The following UBR2 variants were observed in gnomAD, a reference collection of about 807,000 sequenced individuals.
The protein encoded by UBR2 is E3 ubiquitin-protein ligase UBR2.
In UBR2, 92 loss-of-function variants were observed where a neutral mutation model predicts 247.9. The ratio of observed to expected loss-of-function variants is 0.37; its 90% CI spans 0.31 to 0.44. The LOEUF is 0.44. UBR2 is among the 20% of genes least tolerant of loss of function. UBR2 has a pLI of 1.00. For missense variants in UBR2, 1,613 were observed against 2,112.6 expected (o/e 0.76, Z 4.64); for synonymous variants, 672 against 693.5 (o/e 0.97, Z 0.49).
At chr6:42,608,277 G>A (rs2151931697) in intron 7 of UBR2, among the ~76,000 whole-genome samples, 1 of 152,236 alleles carries the variant, frequency 6.6e-6, no homozygotes. Flanking sequence ...AAGAGGGCCT[G>A]TTTCTCCACA....
intron 11 of UBR2, among the ~76,000 whole-genome samples, chr6:42,628,970 A>C (rs1484611361): frequency 1.3e-5 from 2 of 152,080 alleles, no homozygotes; most frequent in Admixed American, 1.3e-4. Context: ...ATTGAATATG[A>C]ATCATATAAA....
At chr6:42,671,460 C>G (rs1425495829) in intron 36 of UBR2, among the ~76,000 whole-genome samples, 1 of 152,012 alleles carries the variant, frequency 6.6e-6, no homozygotes, top group Non-Finnish European at 1.5e-5. Context: ...TATTCTAGCT[C>G]CACTTTCTTG....
chr6:42,632,354 GT>G (rs1295764663), intron 11 of UBR2, among the ~76,000 whole-genome samples, 197 bp from the exon 12 acceptor site: 1 of 151,950 alleles, frequency 6.6e-6, no homozygotes, highest in Non-Finnish European at 1.5e-5. Flanking sequence ...CTGGCATCTG[GT>G]ATAATTGTTG....
chr6:42,574,495 A>G (rs917230162), intron 2 of UBR2, among the ~76,000 whole-genome samples: 7 of 152,140 alleles, frequency 4.6e-5, no homozygotes, highest in African/African-American at 1.7e-4. Flanking sequence ...TCATTTGGGA[A>G]TGGTAGTTAG....
At chr6:42,646,933 T>C (rs1196645339) in intron 21 of UBR2, among the ~76,000 whole-genome samples, 1 of 151,840 alleles carries the variant, frequency 6.6e-6, no homozygotes, top group Non-Finnish European at 1.5e-5. Context: ...GCAATTCTCA[T>C]GCCTCAGCCT....
chr6:42,655,581 T>C (rs1797397951), intron 25 of UBR2, 40 bp from the exon 26 acceptor site: 2 of 1,257,018 alleles, frequency 1.6e-6, no homozygotes, highest in African/African-American at 3.2e-5. Flanking sequence ...GTACTTGATT[T>C]TTTAAATTTT....
chr6:42,581,202 T>TC (rs1403185309), intron 2 of UBR2, among the ~76,000 whole-genome samples: 1 of 151,098 alleles, frequency 6.6e-6, no homozygotes, highest in African/African-American at 2.4e-5. Flanking sequence ...TTTTTTTTTT[T>TC]TCTCCGAGAC....
In UBR2 at chr6:42,676,007, G is replaced by C. The variant is rs749483703; in HGVS notation, c.4252-49G>C. On this transcript the variant is annotated intron_variant, in intron 38 of 46. Coordinates refer to ENST00000372901, the MANE Select transcript of UBR2 (RefSeq NM_001363705.2). ...AAGTAAGAAGATGGAAATTTGCTTA[G>C]CTGTGAAAGGAAAGGCGATCTGTCT... The C allele has an allele frequency of 9.8e-6, 15 of 1,524,832 alleles. No individual in the cohort carries two copies. In the South Asian group the frequency reaches 1.8e-4, roughly 18 times the overall value. The allele number at this position is 1,524,832 out of a possible 1,614,324, so 94.5% of individuals were successfully genotyped here. A position where few individuals can be genotyped will look rare whatever the true frequency, so the allele number is the denominator to read the frequency against.
At chr6:42,568,276 A>G (rs1246477705) in intron 1 of UBR2, among the ~76,000 whole-genome samples, 1 of 152,094 alleles carries the variant, frequency 6.6e-6, no homozygotes, top group Non-Finnish European at 1.5e-5. Context: ...TCCTGTACCT[A>G]TTGGCAGTCA....
intron 7 of UBR2, among the ~76,000 whole-genome samples, chr6:42,609,687 C>T (rs1322330041): frequency 6.6e-6 from 1 of 151,740 alleles, no homozygotes; most frequent in Non-Finnish European, 1.5e-5. Context: ...GAGTTTGAGA[C>T]CAGCCTAAGC....
chr6:42,683,132 A>C, intron 43 of UBR2, 21 bp downstream of exon 43: 1 of 1,600,996 alleles, frequency 6.2e-7, no homozygotes, highest in Middle Eastern at 1.7e-4. Flanking sequence ...GAGCCTCAAA[A>C]ACTTTATTGA....
intron 41 of UBR2, among the ~76,000 whole-genome samples, 156 bp downstream of exon 41, chr6:42,678,825 T>C (rs1798872004): frequency 6.6e-6 from 1 of 152,246 alleles, no homozygotes; most frequent in South Asian, 2.1e-4. Flanking sequence ...AATGTATGTT[T>C]ATGCATATGT....
At position 42,592,188 on chromosome 6, in the gene UBR2, G is replaced by C. The variant is rs62414610; in HGVS notation, c.376G>C (p.Glu126Gln). 1.3e-6 allele frequency: 2 copies of C among 1,599,074 alleles called. No homozygotes were observed. Among genetic ancestry groups the C allele is most frequent in the African/African-American group, 2.7e-5 (2 of 73,518 alleles). The change falls in exon 3 of 47, where the codon GAG becomes CAG. Residue 126 changes from glutamate to glutamine, a missense_variant. This residue lies in a region of UBR2 where 1,524 missense variants were observed against 1,967.3 expected (regional missense o/e 0.77). Coordinates refer to ENST00000372901, the MANE Select transcript of UBR2 (RefSeq NM_001363705.2). The stretch of plus-strand genomic sequence containing the variant: ...TGATCCAACTTGTGTTTTGTGCATG[G>C]AGTGCTTTTTGGGAAGTATTCACAG... The part of the protein sequence containing the change: ...AVDPTCVLCM[E>Q]CFLGSIHRDH...
At position 42,678,730 on chromosome 6, in the gene UBR2, T is replaced by C. The variant is rs1395585741; in HGVS notation, c.4609+61T>C. 6.5e-6 allele frequency: 10 copies of C among 1,535,086 alleles called. No individual in the cohort carries two copies. In the African/African-American group the frequency reaches 8.4e-5, roughly 13 times the overall value. ...TAGTAATCCTTTACTCCAGCAAATA[T>C]AAAGATCACTTGCAAAAATGAAAAT... is the stretch of plus-strand genomic sequence containing the variant. On this transcript the variant is annotated intron_variant, in intron 41 of 46. Transcript: ENST00000372901.
rs115029994 is a variant in UBR2, at chr6:42,652,113, G to A, written c.2614+42G>A. Reference sequence around the variant, plus strand: ...TGAAAATGTCTTGCCCATCTTTTTTGCTTGTTAAACATTGTTTTCTGTTAA... The same window carrying A: ...TGAAAATGTCTTGCCCATCTTTTTTACTTGTTAAACATTGTTTTCTGTTAA... On this transcript the variant is annotated intron_variant, in intron 24 of 46. Coordinates refer to ENST00000372901, the MANE Select transcript of UBR2 (RefSeq NM_001363705.2). 2,196 of 1,535,784 alleles carry A rather than the reference G, an allele frequency of 1.4e-3. 16 individuals carry two copies. In the African/African-American group the frequency reaches 0.015, roughly 10 times the overall value.
At chr6:42,633,045 C>T in intron 13 of UBR2, 141 bp downstream of exon 13, 1 of 531,504 alleles carries the variant, frequency 1.9e-6, no homozygotes, top group Non-Finnish European at 3.1e-6. Flanking sequence ...AGTGGCTAGT[C>T]ATAGACACAA....
At chr6:42,615,283 T>G (rs370706362) in intron 9 of UBR2, 105 bp downstream of exon 9, 3 of 803,798 alleles carry the variant, frequency 3.7e-6, no homozygotes, top group Non-Finnish European at 5.3e-6. Context: ...ATATTTGTGC[T>G]TCTTAAAATT....
intron 5 of UBR2, 142 bp downstream of exon 5, chr6:42,603,860 C>T: frequency 1.1e-6 from 1 of 879,134 alleles, no homozygotes; most frequent in Non-Finnish European, 1.6e-6. Context: ...AAAACGTGAT[C>T]CATTTAATTG....
At chr6:42,669,106 G>C (rs1040932233) in intron 34 of UBR2, among the ~76,000 whole-genome samples, 7 of 151,672 alleles carry the variant, frequency 4.6e-5, no homozygotes, top group Admixed American at 3.3e-4. Context: ...TGTATTTTTA[G>C]TGGAGACAGG....
Sources: allele counts gnomAD v4.1 joint callset (sites outside exome capture counted in the v4.1 genomes callset), GRCh38; gene constraint gnomAD v4.1.1; regional missense constraint gnomAD v4.1.1; transcripts MANE v1.5; gene names NCBI Gene and HGNC (gene_info 2026-07-23, HGNC 2026-07-21).